ATL1: variants seen among roughly 807,000 people sequenced by gnomAD.
ATL1 encodes atlastin GTPase 1, also known as atlastin-1.
In ATL1, 31 loss-of-function variants were observed where a neutral mutation model predicts 75.5. That is an observed-to-expected ratio of 0.41 (90% CI 0.31 to 0.55). ATL1 has a LOEUF of 0.55. ATL1 is among the 20% of genes least tolerant of loss of function. The probability of loss-of-function intolerance (pLI) is 0.27; values close to 1 mark genes in which losing one functional copy is unlikely to be tolerated. For synonymous variants in ATL1, 226 were observed against 233.3 expected (o/e 0.97, Z 0.28); for missense variants, 405 against 662.6 (o/e 0.61, Z 4.27).
chr14:50,541,924 A>G (rs2038566111), intron 1 of ATL1, among the ~76,000 whole-genome samples: 2 of 141,208 alleles, frequency 1.4e-5, no homozygotes, highest in African/African-American at 5.2e-5. Context: ...GGAGAATGGC[A>G]TGAACCCAGG....
At chr14:50,539,264 A>C (rs557600162) in intron 1 of ATL1, among the ~76,000 whole-genome samples, 2 of 152,304 alleles carry the variant, frequency 1.3e-5, no homozygotes, top group Admixed American at 6.5e-5. Flanking sequence ...CACAACATTG[A>C]AAGATCAATC....
chr14:50,546,879 G>A (rs892180167), intron 1 of ATL1, among the ~76,000 whole-genome samples: 1 of 152,034 alleles, frequency 6.6e-6, no homozygotes, highest in African/African-American at 2.4e-5. Flanking sequence ...GGGTACATGT[G>A]CGGAACATGC....
In ATL1 at chr14:50,551,138, A is replaced by C. The variant is rs1308521945; in HGVS notation, c.-139-8989A>C. Among the ~76,000 whole-genome samples, 3 of 152,324 alleles carry C rather than the reference A, an allele frequency of 2.0e-5. No individual in the cohort carries two copies. In the East Asian group the frequency reaches 5.8e-4, roughly 29 times the overall value. ...AATTGATAGACCATTAGTGAGATTA[A>C]CTAAGAAAAGAAGAAAGAAGATCCA... On this transcript the variant is annotated intron_variant, in intron 1 of 13. Transcript: ENST00000441560.
At chr14:50,555,718 A>AATAT (rs1235998573), upstream of ATL1, among the ~76,000 whole-genome samples, 4 of 152,200 alleles carry the variant, frequency 2.6e-5, no homozygotes, top group Non-Finnish European at 5.9e-5. Context: ...TATCCTAACT[A>AATAT]ATATAGTCCA....
chr14:50,629,861 A>G, intron 12 of ATL1, 134 bp from the exon 13 acceptor site: 1 of 563,230 alleles, frequency 1.8e-6, no homozygotes, highest in African/African-American at 2.2e-5. Context: ...TATGTAATCT[A>G]AACTGAAAAA....
At chr14:50,573,402 A>G (rs1265525985) in intron 1 of ATL1, among the ~76,000 whole-genome samples, 1 of 152,208 alleles carries the variant, frequency 6.6e-6, no homozygotes. Flanking sequence ...AGCACTTGAA[A>G]TGTGGCTAGT....
chr14:50,590,790 G>T, intron 2 of ATL1, 151 bp from the exon 3 acceptor site: 1 of 747,250 alleles, frequency 1.3e-6, no homozygotes, highest in Non-Finnish European at 2.2e-6. Context: ...ATTATTTTTT[G>T]GATGAATAAA....
At chr14:50,632,173 A>AT in intron 13 of ATL1, 56 bp from the exon 14 acceptor site, 1 of 1,338,006 alleles carries the variant, frequency 7.5e-7, no homozygotes, top group Non-Finnish European at 1.0e-6. Context: ...AAAGGAAAAA[A>AT]TTTTACATCT....
At chr14:50,580,858 A>T (rs1169835384) in intron 1 of ATL1, among the ~76,000 whole-genome samples, 1 of 152,014 alleles carries the variant, frequency 6.6e-6, no homozygotes, top group East Asian at 1.9e-4. Flanking sequence ...AAGGTTTTAA[A>T]TTATGAATTT....
chr14:50,547,058 A>T (rs1280493768), intron 1 of ATL1, among the ~76,000 whole-genome samples: 3 of 152,126 alleles, frequency 2.0e-5, no homozygotes, highest in African/African-American at 7.2e-5. Flanking sequence ...GAACACATGG[A>T]CACAGGGGGA....
rs142294992 is a variant in ATL1 at position 50,584,834 on chromosome 14, A to T, written c.35-2997A>T. On this transcript the variant is annotated intron_variant, in intron 1 of 13. Transcript: ENST00000358385. ...TACAAAATGTTAACCATAAAAGAAA[A>T]TATTAATAAAATCTATTACATTAAA... Among the ~76,000 whole-genome samples the T allele has an allele frequency of 5.8e-3, 880 of 152,106 alleles. 8 individuals are homozygous for T. Among genetic ancestry groups the T allele is most frequent in the African/African-American group, 0.02 (817 of 41,560 alleles).
chr14:50,580,163 G>A (rs866763951), intron 1 of ATL1, among the ~76,000 whole-genome samples: 4 of 152,028 alleles, frequency 2.6e-5, no homozygotes, highest in Non-Finnish European at 2.9e-5. Context: ...AATGTATCAC[G>A]GTTATTTATC....
At chr14:50,627,002 C>A (rs763929057) in intron 11 of ATL1, among the ~76,000 whole-genome samples, 6 of 152,188 alleles carry the variant, frequency 3.9e-5, no homozygotes, top group Non-Finnish European at 8.8e-5. Flanking sequence ...TAAAGAAGTT[C>A]TACTATGAGT....
intron 13 of ATL1, 161 bp from the exon 14 acceptor site, chr14:50,632,068 G>T: frequency 1.9e-6 from 1 of 523,710 alleles, no homozygotes; most frequent in Non-Finnish European, 3.5e-6. Flanking sequence ...TTGAGGAGTT[G>T]AAAATACTTT....
intron 1 of ATL1, among the ~76,000 whole-genome samples, chr14:50,543,742 A>T (rs983242835): frequency 2.0e-5 from 3 of 152,210 alleles, no homozygotes; most frequent in Non-Finnish European, 2.9e-5. Context: ...TGGGCCTGTG[A>T]ACCAAGAGGC....
At chr14:50,582,949 A>T (rs1433077939) in intron 1 of ATL1, among the ~76,000 whole-genome samples, 1 of 152,184 alleles carries the variant, frequency 6.6e-6, no homozygotes, top group African/African-American at 2.4e-5. Context: ...TGGATGTGAA[A>T]AGCTATATGA....
chr14:50,588,215 G>A, intron 2 of ATL1, 137 bp downstream of exon 2: 1 of 1,152,250 alleles, frequency 8.7e-7, no homozygotes. Context: ...ATGCTGTGGT[G>A]TAACCATTCC....
intron 6 of ATL1, among the ~76,000 whole-genome samples, chr14:50,610,052 A>C (rs1006780102): frequency 3.6e-4 from 54 of 151,926 alleles, no homozygotes; most frequent in Non-Finnish European, 6.8e-4. Context: ...CAGGCCCCAT[A>C]AAACCTGGAT....
intron 1 of ATL1, among the ~76,000 whole-genome samples, chr14:50,586,100 G>T (rs1487728953): frequency 6.6e-6 from 1 of 152,070 alleles, no homozygotes; most frequent in Non-Finnish European, 1.5e-5. Context: ...AGAGATGATT[G>T]CCTTGCTTTT....
Sources: gnomAD v4.1 joint callset for allele counts (sites outside exome capture counted in the v4.1 genomes callset) on GRCh38, gnomAD v4.1.1 for gene constraint, MANE v1.5 for transcripts, NCBI Gene and HGNC (gene_info 2026-07-23, HGNC 2026-07-21) for gene names.